The following ROCK1 variants were observed in gnomAD, a reference collection of about 807,000 sequenced individuals.
ROCK1 encodes Rho associated coiled-coil containing protein kinase 1.
ROCK1 carries 36 observed loss-of-function variants against 196.8 expected under a neutral mutation model. The observed-to-expected ratio is 0.18, with a 90% CI of 0.14 to 0.24. The LOEUF (loss-of-function observed/expected upper bound fraction) is 0.24. ROCK1 is among the 10% of genes least tolerant of loss of function. The pLI, the probability that ROCK1 is intolerant of heterozygous loss-of-function variation, is 1.00. For synonymous variants in ROCK1, 443 were observed against 515.9 expected, an observed-to-expected ratio of 0.86 and a Z score of 1.91; for missense variants, 920 against 1,562.0, an observed-to-expected ratio of 0.59 and a Z score of 6.93.
At chr18:21,029,357 T>C (rs943634392) in intron 9 of ROCK1, among the ~76,000 whole-genome samples, 2 of 152,208 alleles carry the variant, frequency 1.3e-5, no homozygotes, top group African/African-American at 2.4e-5. Context: ...ATCTGCTGTA[T>C]AGTAAACCAG....
rs977740124 is a variant in ROCK1, at chr18:21,111,225, C to T, written c.-315G>A. Reference sequence around the variant, plus strand: ...GCGAGGTGCTTCAGTCTAGCGGGCCCCGGCCGCCGTCGCCATGGAGGGGTC... The same window carrying T: ...GCGAGGTGCTTCAGTCTAGCGGGCCTCGGCCGCCGTCGCCATGGAGGGGTC... On this transcript the variant is annotated 5_prime_UTR_variant, in exon 1 of 33. Transcript: ENST00000399799. This position sits in a 1 kb window ranked among gnomAD's most constrained non-coding sequence, Gnocchi z 4.2. 4.0e-6 allele frequency: 2 copies of T among 502,064 alleles called. No homozygotes were observed. The highest frequency in any genetic ancestry group is 2.0e-5 in the African/African-American group (1 of 49,860). 31.1% of individuals were successfully genotyped at this position (502,064 alleles called of 1,614,324 possible). A position where few individuals can be genotyped will look rare whatever the true frequency, so the allele number is the denominator to read the frequency against.
rs71269004 is a variant in ROCK1 at position 21,033,854 on chromosome 18, T to TAAAAAAAAAAAAAAAAAAAAA, written c.1052-4940_1052-4920dup. ...TAACTCAGTGAAACCCCGTTTCTAC[T>TAAAAAAAAAAAAAAAAAAAAA]AAAAAAAAAAAAAAAAAAAAAAAAA... On this transcript the variant is annotated intron_variant, in intron 9 of 32. Coordinates refer to ENST00000399799, the MANE Select transcript of ROCK1 (RefSeq NM_005406.3). Among the ~76,000 whole-genome samples, 32 of 33,464 alleles carry TAAAAAAAAAAAAAAAAAAAAA rather than the reference T, an allele frequency of 9.6e-4. 4 individuals are homozygous for TAAAAAAAAAAAAAAAAAAAAA. Among genetic ancestry groups the TAAAAAAAAAAAAAAAAAAAAA allele is most frequent in the Admixed American group, 1.2e-3 (2 of 1,656 alleles). The allele number at this position is 33,464 out of a possible 152,430, so 22.0% of individuals were successfully genotyped here. A position where few individuals can be genotyped will look rare whatever the true frequency, so the allele number is the denominator to read the frequency against.
At position 20,953,727 on chromosome 18, in the gene ROCK1, T is replaced by C; in HGVS notation, c.3912A>G (p.Glu1304=). The C allele has an allele frequency of 1.9e-6, 3 of 1,544,184 alleles. No homozygotes were observed. Among genetic ancestry groups the C allele is most frequent in the Non-Finnish European group, 1.7e-6 (2 of 1,146,626 alleles). ...DMLLLACSQD[E]QKKWVTHLVK... ...CTAAATGAGTTACCCATTTTTTTTG[T>C]TCATCCTGAGAACATGCTAACAGCA... The change falls in exon 32 of 33, where the codon GAA becomes GAG. Residue 1304 remains glutamate, a synonymous_variant. Coordinates refer to ENST00000399799, the MANE Select transcript of ROCK1 (RefSeq NM_005406.3).
At chr18:20,998,663 GAT>G (rs1292020986) in intron 16 of ROCK1, among the ~76,000 whole-genome samples, 1 of 138,876 alleles carries the variant, frequency 7.2e-6, no homozygotes, top group Non-Finnish European at 1.5e-5. Flanking sequence ...GGAGTGCAGT[GAT>G]GCAATCTCGG....
At chr18:20,985,211 T>C (rs770501344) in intron 19 of ROCK1, among the ~76,000 whole-genome samples, 2 of 152,194 alleles carry the variant, frequency 1.3e-5, no homozygotes, top group Non-Finnish European at 2.9e-5. Flanking sequence ...ACTGAACGTA[T>C]GTTTTATTCA....
At chr18:21,044,230 A>G in intron 5 of ROCK1, 44 bp from the exon 6 acceptor site, 1 of 1,423,320 alleles carries the variant, frequency 7.0e-7, no homozygotes, top group Non-Finnish European at 9.8e-7. Flanking sequence ...GAAACAGATT[A>G]GACACTGTAA....
intron 22 of ROCK1, among the ~76,000 whole-genome samples, chr18:20,974,426 T>C (rs2035460209): frequency 6.6e-6 from 1 of 152,200 alleles, no homozygotes; most frequent in Non-Finnish European, 1.5e-5. Flanking sequence ...AGTTTCTGCT[T>C]TGTGTTAAGA....
At chr18:20,959,689 TTAATA>T (rs2035307939) in intron 29 of ROCK1, 146 bp downstream of exon 29, 3 of 470,144 alleles carry the variant, frequency 6.4e-6, no homozygotes, top group Non-Finnish European at 1.1e-5. Flanking sequence ...TGCTGAAGAT[TTAATA>T]TAATGTCAAC....
At chr18:20,986,577 T>A (rs2035580021) in intron 19 of ROCK1, among the ~76,000 whole-genome samples, 1 of 152,240 alleles carries the variant, frequency 6.6e-6, no homozygotes, top group Non-Finnish European at 1.5e-5. Context: ...CAGGAAAGAC[T>A]GCAGTTAAAC....
intron 4 of ROCK1, among the ~76,000 whole-genome samples, chr18:21,046,201 C>A (rs780259882): frequency 2.0e-5 from 3 of 152,134 alleles, no homozygotes; most frequent in Non-Finnish European, 4.4e-5. Flanking sequence ...TGAGCCACTG[C>A]GCCCGGCCTC....
chr18:20,955,323 G>T (rs2035231390), intron 29 of ROCK1, 78 bp from the exon 30 acceptor site: 3 of 1,103,212 alleles, frequency 2.7e-6, no homozygotes, highest in African/African-American at 1.6e-5. Context: ...GGACATATGG[G>T]TGATAAATAA....
At chr18:20,981,647 G>A (rs954586510) in intron 21 of ROCK1, among the ~76,000 whole-genome samples, 21 of 152,076 alleles carry the variant, frequency 1.4e-4, no homozygotes, top group African/African-American at 5.1e-4. Context: ...GAAAGAAATA[G>A]CAAGGGCCAG....
intron 27 of ROCK1, 25 bp from the exon 28 acceptor site, chr18:20,960,231 T>C (rs1568367933): frequency 7.5e-7 from 1 of 1,334,660 alleles, no homozygotes; most frequent in Admixed American, 1.7e-5. Context: ...ATATATGTAT[T>C]AGTCAGTCTT....
chr18:21,037,917 T>C (rs966983407), intron 9 of ROCK1, among the ~76,000 whole-genome samples: 1 of 152,168 alleles, frequency 6.6e-6, no homozygotes, highest in African/African-American at 2.4e-5. Context: ...TTTCAAGTGA[T>C]CGGTTTTTCA....
At chr18:21,045,905 T>G (rs1238696378) in intron 4 of ROCK1, among the ~76,000 whole-genome samples, 1 of 124,794 alleles carries the variant, frequency 8.0e-6, no homozygotes, top group Non-Finnish European at 1.7e-5. Context: ...AGCTGTTTTT[T>G]TTTTTTTTTT....
intron 13 of ROCK1, among the ~76,000 whole-genome samples, chr18:21,009,420 CA>C (rs1433815067): frequency 6.6e-6 from 1 of 151,840 alleles, no homozygotes; most frequent in Non-Finnish European, 1.5e-5. Flanking sequence ...TTCCATGGTA[CA>C]AATGTACCGA....
At chr18:21,021,240 C>A (rs1488644865) in intron 11 of ROCK1, among the ~76,000 whole-genome samples, 1 of 152,062 alleles carries the variant, frequency 6.6e-6, no homozygotes, top group Non-Finnish European at 1.5e-5. Context: ...TAGCTCTGGC[C>A]TAGTTTGATA....
chr18:20,964,974 C>T (rs2035359171), intron 27 of ROCK1, among the ~76,000 whole-genome samples: 1 of 152,148 alleles, frequency 6.6e-6, no homozygotes, highest in African/African-American at 2.4e-5. Flanking sequence ...AATAATGTGT[C>T]CATTTCTGAC....
intron 27 of ROCK1, among the ~76,000 whole-genome samples, chr18:20,961,689 C>T (rs1032785475): frequency 2.0e-5 from 3 of 152,086 alleles, no homozygotes; most frequent in African/African-American, 7.2e-5. Context: ...CCTACTCCCA[C>T]CAGGTACGTA....
Sources: gnomAD v4.1 joint callset for allele counts (sites outside exome capture counted in the v4.1 genomes callset) on GRCh38, gnomAD v4.1.1 for gene constraint, Gnocchi (gnomAD v3.1) non-coding constraint, MANE v1.5 for transcripts, NCBI Gene and HGNC (gene_info 2026-07-23, HGNC 2026-07-21) for gene names.